The following PRLR variants were observed in gnomAD, a reference collection of about 807,000 sequenced individuals.
PRLR encodes the protein prolactin receptor.
PRLR carries 13 observed loss-of-function variants against 40.2 expected under a neutral mutation model. That is an observed-to-expected ratio of 0.32 (90% CI 0.21 to 0.51). PRLR has a LOEUF of 0.51. PRLR is among the 20% of genes least tolerant of loss of function. The pLI, the probability that PRLR is intolerant of heterozygous loss-of-function variation, is 0.97. For synonymous variants in PRLR, 269 were observed against 278.7 expected (o/e 0.97, Z 0.35); for missense variants, 656 against 747.3 (o/e 0.88, Z 1.42).
At chr5:35,169,220 A>G (rs1376583806) in intron 1 of PRLR, among the ~76,000 whole-genome samples, 1 of 152,196 alleles carries the variant, frequency 6.6e-6, no homozygotes, top group Non-Finnish European at 1.5e-5. Context: ...ATTGGACTCG[A>G]CACCTGATTA....
intron 2 of PRLR, among the ~76,000 whole-genome samples, chr5:35,094,253 T>C (rs553634493): frequency 6.6e-6 from 1 of 152,282 alleles, no homozygotes; most frequent in Admixed American, 6.5e-5. Flanking sequence ...ACCTTTGAAC[T>C]TTATATAAAT....
chr5:35,124,827 G>C (rs141111829), intron 1 of PRLR, among the ~76,000 whole-genome samples: 164 of 152,268 alleles, frequency 1.1e-3, no homozygotes, highest in African/African-American at 3.8e-3. Flanking sequence ...TTTGTCCAGA[G>C]CCCTTATTTT....
At chr5:35,223,592 T>A (rs768594168) in intron 1 of PRLR, among the ~76,000 whole-genome samples, 2 of 152,244 alleles carry the variant, frequency 1.3e-5, no homozygotes, top group African/African-American at 4.8e-5. Context: ...TCTCTCCTTG[T>A]GTCTTTAGGC....
At chr5:35,134,844 T>G (rs990710021) in intron 1 of PRLR, among the ~76,000 whole-genome samples, 5 of 152,214 alleles carry the variant, frequency 3.3e-5, no homozygotes, top group Non-Finnish European at 7.3e-5. Context: ...CATCCCTAGA[T>G]GTTCTGATTT....
intron 2 of PRLR, among the ~76,000 whole-genome samples, chr5:35,102,466 A>G (rs1006756745): frequency 7.2e-4 from 97 of 135,228 alleles, no homozygotes; most frequent in African/African-American, 2.5e-3. Flanking sequence ...TTCCTGTCCC[A>G]TCCCGTCCCG....
In PRLR at chr5:35,062,569, C is replaced by T. The variant is rs1031332380; in HGVS notation, c.*2520G>A. On this transcript the variant is annotated 3_prime_UTR_variant, in exon 10 of 10. Coordinates refer to ENST00000618457, the MANE Select transcript of PRLR (RefSeq NM_000949.7). The stretch of plus-strand genomic sequence containing the variant: ...ATTTAATTCAAGTCCTTAGCTGTCA[C>T]ATTTTTTCATACGTATTATACAAAA... 5 of 151,692 alleles carry T rather than the reference C, an allele frequency of 3.3e-5. No individual in the cohort carries two copies. Among genetic ancestry groups the T allele is most frequent in the African/African-American group, 7.2e-5 (3 of 41,412 alleles). The allele number at this position is 151,692 out of a possible 1,614,324, so 9.4% of individuals were successfully genotyped here.
At chr5:35,216,148 G>A (rs1282561210) in intron 1 of PRLR, among the ~76,000 whole-genome samples, 4 of 152,168 alleles carry the variant, frequency 2.6e-5, no homozygotes, top group Non-Finnish European at 2.9e-5. Context: ...GGAAATTGTA[G>A]TATTACACAG....
intron 8 of PRLR, among the ~76,000 whole-genome samples, chr5:35,050,161 A>C (rs763765442): frequency 8.5e-5 from 13 of 152,284 alleles, no homozygotes; most frequent in Admixed American, 5.2e-4. Flanking sequence ...GGCCTCCCAA[A>C]GTGCTGGGAT....
intron 1 of PRLR, among the ~76,000 whole-genome samples, chr5:35,216,565 T>C (rs1261281394): frequency 6.6e-6 from 1 of 152,132 alleles, no homozygotes; most frequent in African/African-American, 2.4e-5. Context: ...CTAGATGAAA[T>C]ACATACAAGT....
intron 1 of PRLR, among the ~76,000 whole-genome samples, chr5:35,154,672 A>G (rs1015019960): frequency 6.6e-6 from 1 of 152,216 alleles, no homozygotes; most frequent in South Asian, 2.1e-4. Flanking sequence ...CCATTCTATT[A>G]TAAAGATACA....
At chr5:35,112,824 T>C (rs1772742763) in intron 2 of PRLR, among the ~76,000 whole-genome samples, 2 of 152,320 alleles carry the variant, frequency 1.3e-5, no homozygotes, top group South Asian at 4.1e-4. Context: ...TGGCTTATAT[T>C]CATTCTTTTT....
rs374202051 is a variant in PRLR, at chr5:35,100,881, T to G, written c.-43-11218A>C. On this transcript the variant is annotated intron_variant, in intron 2 of 9. Transcript: ENST00000618457. Reference sequence around the variant, plus strand: ...AACAGATGAAAGGCTCTTGAGTTCATGCTGACCACCAGCAAACTGTCACAT... The same window carrying G: ...AACAGATGAAAGGCTCTTGAGTTCAGGCTGACCACCAGCAAACTGTCACAT... Among the ~76,000 whole-genome samples the G allele has an allele frequency of 3.9e-5, 6 of 152,318 alleles. 1 individual carries two copies. Among genetic ancestry groups the G allele is most frequent in the African/African-American group, 2.4e-5 (1 of 41,580 alleles).
chr5:35,218,908 G>T (rs1020110422), intron 1 of PRLR, among the ~76,000 whole-genome samples: 4 of 152,134 alleles, frequency 2.6e-5, no homozygotes, highest in Admixed American at 2.6e-4. Context: ...GCAGGTGGGT[G>T]GGTACAACAC....
intron 8 of PRLR, chr5:35,049,482 T>C: frequency 1.5e-6 from 1 of 654,332 alleles, no homozygotes; most frequent in Non-Finnish European, 2.7e-6. Context: ...CCTCTTTTAT[T>C]TAAAAAGAAA....
At chr5:35,146,484 T>C (rs1224383145) in intron 1 of PRLR, among the ~76,000 whole-genome samples, 1 of 152,222 alleles carries the variant, frequency 6.6e-6, no homozygotes, top group East Asian at 1.9e-4. Context: ...CAAAGCACTA[T>C]TGTGTTCAGT....
intron 2 of PRLR, among the ~76,000 whole-genome samples, chr5:35,100,264 A>G (rs969657097): frequency 6.6e-6 from 1 of 152,012 alleles, no homozygotes; most frequent in Admixed American, 6.6e-5. Flanking sequence ...TTAATTTATT[A>G]CTGAAGAAAA....
At position 35,062,963 on chromosome 5, in the gene PRLR, T is replaced by G. The variant is rs947071807; in HGVS notation, c.*2126A>C. 1 of 152,218 alleles carries G rather than the reference T, an allele frequency of 6.6e-6. No homozygotes were observed. The highest frequency in any genetic ancestry group is 2.4e-5 in the African/African-American group (1 of 41,460). 9.4% of individuals were successfully genotyped at this position (152,218 alleles called of 1,614,324 possible). ...ATTGTTACTATGAACTAAAATAACCTTTAGTGGAAATGGTTGTCTAGAACA... is the reference window on the plus strand; with the variant it reads ...ATTGTTACTATGAACTAAAATAACCGTTAGTGGAAATGGTTGTCTAGAACA... On this transcript the variant is annotated 3_prime_UTR_variant, in exon 10 of 10. Transcript: ENST00000618457.
chr5:35,176,204 C>T lies in PRLR; in HGVS notation c.-106+54064G>A, dbSNP rs1158511941. On this transcript the variant is annotated intron_variant, in intron 1 of 9. Coordinates refer to ENST00000618457, the MANE Select transcript of PRLR (RefSeq NM_000949.7). The stretch of plus-strand genomic sequence containing the variant: ...TCATTCATCTCTTTGTTTATAACTT[C>T]TCCCACTTACCATTTTTTAAAGGCT... Among the ~76,000 whole-genome samples, 4 of 152,114 alleles carry T rather than the reference C, an allele frequency of 2.6e-5. No individual in the cohort carries two copies. In the East Asian group the frequency reaches 7.7e-4, roughly 29 times the overall value.
At chr5:35,108,027 C>T (rs531715761) in intron 2 of PRLR, among the ~76,000 whole-genome samples, 241 of 152,218 alleles carry the variant, frequency 1.6e-3, no homozygotes, top group African/African-American at 5.5e-3. Flanking sequence ...TTATCCACCA[C>T]AATCAAGTTG....
Sources: allele counts gnomAD v4.1 joint callset (sites outside exome capture counted in the v4.1 genomes callset), GRCh38; gene constraint gnomAD v4.1.1; transcripts MANE v1.5; gene names NCBI Gene and HGNC (gene_info 2026-07-23, HGNC 2026-07-21).